The following PLD5 variants were observed in gnomAD, a reference collection of about 807,000 sequenced individuals.
PLD5 encodes inactive phospholipase D5.
Under a neutral mutation model 61.1 loss-of-function variants are expected in PLD5, and 36 were observed. The observed-to-expected ratio is 0.59, with a 90% CI of 0.45 to 0.78. PLD5 has a LOEUF of 0.78. PLD5 is among the 30% of genes least tolerant of loss of function. The pLI is 0.00. For missense variants in PLD5, 515 were observed against 644.4 expected (o/e 0.80, Z 2.17); for synonymous variants, 243 against 242.8 (o/e 1.00, Z -0.01).
At chr1:242,316,983 A>G (rs987986281) in intron 2 of PLD5, among the ~76,000 whole-genome samples, 12 of 150,908 alleles carry the variant, frequency 8.0e-5, no homozygotes, top group African/African-American at 2.4e-4. Flanking sequence ...CATGGTGTAT[A>G]TGCACATTTT....
chr1:242,141,932 G>T (rs1025385494), intron 5 of PLD5, among the ~76,000 whole-genome samples: 3 of 152,088 alleles, frequency 2.0e-5, no homozygotes, highest in Admixed American at 6.5e-5. Context: ...ATCTTTCTTA[G>T]GTTCTTTATA....
chr1:242,092,122 C>T (rs1333950776), intron 9 of PLD5, among the ~76,000 whole-genome samples: 3 of 152,004 alleles, frequency 2.0e-5, no homozygotes, highest in Non-Finnish European at 4.4e-5. Flanking sequence ...GCCACTGTGC[C>T]GGGCCTGATT....
intron 2 of PLD5, among the ~76,000 whole-genome samples, chr1:242,334,289 C>G (rs551236567): frequency 7.2e-5 from 11 of 152,220 alleles, no homozygotes; most frequent in Non-Finnish European, 1.2e-4. Context: ...TTCATCTACT[C>G]TCATAAAACC....
At position 242,207,978 on chromosome 1, in the gene PLD5, A is replaced by T. The variant is rs1308685233; in HGVS notation, c.735+12010T>A. On this transcript the variant is annotated intron_variant, in intron 5 of 9. Transcript: ENST00000536534. The stretch of plus-strand genomic sequence containing the variant: ...TTTATATATATTTATATATATTTTT[A>T]TATATATATTTATACACACACACAC... 1.4e-4 allele frequency among the ~76,000 whole-genome samples: 7 copies of T among 49,430 alleles called. 1 individual carries two copies. Among genetic ancestry groups the T allele is most frequent in the African/African-American group, 4.8e-4 (5 of 10,392 alleles). 32.4% of individuals were successfully genotyped at this position (49,430 alleles called of 152,430 possible).
intron 5 of PLD5, among the ~76,000 whole-genome samples, chr1:242,189,601 T>G (rs1350189998): frequency 6.6e-6 from 1 of 152,164 alleles, no homozygotes; most frequent in Non-Finnish European, 1.5e-5. Flanking sequence ...AGAAAATCAC[T>G]ATCTTCAAGG....
intron 5 of PLD5, among the ~76,000 whole-genome samples, chr1:242,143,983 C>T (rs1400230936): frequency 1.3e-5 from 2 of 150,358 alleles, no homozygotes; most frequent in Non-Finnish European, 3.0e-5. Context: ...GATTCTCATG[C>T]CTCAGCCTCT....
At chr1:242,115,558 AC>A (rs1661876685) in intron 6 of PLD5, among the ~76,000 whole-genome samples, 1 of 152,184 alleles carries the variant, frequency 6.6e-6, no homozygotes. Flanking sequence ...GTTACTACAC[AC>A]GCACACACAC....
chr1:242,130,952 G>A (rs1343712009), intron 5 of PLD5, among the ~76,000 whole-genome samples: 1 of 152,014 alleles, frequency 6.6e-6, no homozygotes, highest in African/African-American at 2.4e-5. Context: ...GCTTAATTAA[G>A]GTCTCAACAA....
intron 1 of PLD5, among the ~76,000 whole-genome samples, chr1:242,395,101 G>GTATATATATGAATATA (rs1407613374): frequency 1.4e-5 from 2 of 144,682 alleles, no homozygotes; most frequent in East Asian, 2.0e-4. Flanking sequence ...GAATATATAT[G>GTATATATATGAATATA]TATGTATATG....
chr1:242,155,285 T>C, intron 5 of PLD5, among the ~76,000 whole-genome samples: 1 of 152,178 alleles, frequency 6.6e-6, no homozygotes. Flanking sequence ...TTGCTGATCT[T>C]TTCAAAAAAA....
chr1:242,138,835 C>T (rs1663946569), intron 5 of PLD5, among the ~76,000 whole-genome samples: 1 of 152,168 alleles, frequency 6.6e-6, no homozygotes, highest in African/African-American at 2.4e-5. Flanking sequence ...GGACCACACA[C>T]CTGTGCCTCT....
rs1353689093 is a variant in PLD5, at chr1:242,214,201, A to AC, written c.735+5786_735+5787insG. On this transcript the variant is annotated intron_variant, in intron 5 of 9. Coordinates refer to ENST00000536534, the MANE Select transcript of PLD5 (RefSeq NM_001372062.1). Reference sequence around the variant, plus strand: ...ACACTGTTTACTGATGGTTCAGGTAAATTTGGAAAAGCAGCAGTTTGGTGG... The same window carrying AC: ...ACACTGTTTACTGATGGTTCAGGTAACATTTGGAAAAGCAGCAGTTTGGTGG... Among the ~76,000 whole-genome samples, 6 of 152,170 alleles carry AC rather than the reference A, an allele frequency of 3.9e-5. 1 individual carries two copies. The highest frequency in any genetic ancestry group is 1.4e-4 in the African/African-American group (6 of 41,448).
Position 242,100,703 on chromosome 1 carries a change from T to C in PLD5, c.1319A>G (p.Asn440Ser), listed in dbSNP as rs1044148230. The part of the protein sequence containing the change: ...KNHTFPRLNR[N>S]KYMVTDGAAY... ...TGCTCCATCTGTCACCATGTACTTGTTGCGATTTAACCTAGGAAAGGTGTG... is the reference window on the plus strand; with the variant it reads ...TGCTCCATCTGTCACCATGTACTTGCTGCGATTTAACCTAGGAAAGGTGTG... The change falls in exon 9 of 10, where the codon AAC becomes AGC. Residue 440 changes from asparagine (N) to serine (S), a missense_variant. Around this residue, in one of 2 missense-constraint regions of PLD5, gnomAD observed 450 missense variants for 598.1 expected, o/e 0.75. Coordinates refer to ENST00000536534, the MANE Select transcript of PLD5 (RefSeq NM_001372062.1). 5 of 1,613,966 alleles carry C rather than the reference T, an allele frequency of 3.1e-6. No individual in the cohort carries two copies. In the African/African-American group the frequency reaches 4.0e-5, roughly 13 times the overall value.
chr1:242,393,211 T>A lies in PLD5; in HGVS notation c.190-44969A>T, dbSNP rs1259424130. ...ACGACGACTCCGTCTCAAAAAAATA[T>A]ATATATATATATGAGTATATATATG... On this transcript the variant is annotated intron_variant, in intron 1 of 9. Transcript: ENST00000536534. Among the ~76,000 whole-genome samples, 149 of 81,346 alleles carry A rather than the reference T, an allele frequency of 1.8e-3. 1 individual carries two copies. Among genetic ancestry groups the A allele is most frequent in the Middle Eastern group, 6.8e-3 (1 of 148 alleles). The allele number at this position is 81,346 out of a possible 152,430, so 53.4% of individuals were successfully genotyped here. A position where few individuals can be genotyped will look rare whatever the true frequency, so the allele number is the denominator to read the frequency against.
chr1:242,500,694 A>G (rs1193684219), intron 1 of PLD5, among the ~76,000 whole-genome samples: 2 of 151,472 alleles, frequency 1.3e-5, no homozygotes, highest in African/African-American at 4.8e-5. Context: ...AGAAGAGAAG[A>G]AGGAGCAAAG....
chr1:242,383,108 G>A (rs1662393102), intron 1 of PLD5, among the ~76,000 whole-genome samples: 1 of 152,048 alleles, frequency 6.6e-6, no homozygotes, highest in African/African-American at 2.4e-5. Flanking sequence ...CTGCTGGAAT[G>A]GAATCAGCGA....
At chr1:242,172,803 A>G (rs1056449481) in intron 5 of PLD5, among the ~76,000 whole-genome samples, 3 of 152,190 alleles carry the variant, frequency 2.0e-5, no homozygotes, top group Non-Finnish European at 4.4e-5. Context: ...TCCTGGACAC[A>G]TACACCCTCC....
At position 242,362,464 on chromosome 1, in the gene PLD5, T is replaced by C. The variant is rs568893210; in HGVS notation, c.190-14222A>G. On this transcript the variant is annotated intron_variant, in intron 1 of 9. Coordinates refer to ENST00000536534, the MANE Select transcript of PLD5 (RefSeq NM_001372062.1). ...CAGCTTTTGTTAATTTCCATGGTGG[T>C]CTATTAGTGTAGAAACTAAGGTTGA... 7.6e-4 allele frequency among the ~76,000 whole-genome samples: 115 copies of C among 152,302 alleles called. 1 individual carries two copies. The highest frequency in any genetic ancestry group is 7.4e-3 in the Admixed American group (113 of 15,298).
At chr1:242,528,895 TTAC>T (rs1669498381), upstream of PLD5, among the ~76,000 whole-genome samples, 4 of 152,352 alleles carry the variant, frequency 2.6e-5, no homozygotes, top group Admixed American at 2.0e-4. Flanking sequence ...TTGCCAAGTA[TTAC>T]TACATTTTGT....
Sources: allele counts gnomAD v4.1 joint callset (sites outside exome capture counted in the v4.1 genomes callset), GRCh38; gene constraint gnomAD v4.1.1; regional missense constraint gnomAD v4.1.1; transcripts MANE v1.5; gene names NCBI Gene and HGNC (gene_info 2026-07-23, HGNC 2026-07-21).